RSPO2: variants seen among roughly 807,000 people sequenced by gnomAD.
RSPO2 encodes the protein R-spondin 2, also known as R-spondin-2.
In RSPO2, 14 loss-of-function variants were observed where a neutral mutation model predicts 30.9. That is an observed-to-expected ratio of 0.45 (90% CI 0.30 to 0.71). RSPO2 has a LOEUF of 0.71. RSPO2 is among the 30% of genes least tolerant of loss of function. The probability of loss-of-function intolerance (pLI) is 0.08; values close to 1 mark genes in which losing one functional copy is unlikely to be tolerated. For missense variants in RSPO2, 264 were observed against 301.9 expected (o/e 0.87, Z 0.93); for synonymous variants, 107 against 96.4 (o/e 1.11, Z -0.64).
chr8:108,006,693 A>T (rs569677791), intron 2 of RSPO2, among the ~76,000 whole-genome samples: 1 of 152,292 alleles, frequency 6.6e-6, no homozygotes, highest in African/African-American at 2.4e-5. Context: ...ACAAACTCCA[A>T]ATTCTGAAAA....
intron 3 of RSPO2, among the ~76,000 whole-genome samples, chr8:107,981,141 G>C (rs1169175549): frequency 1.3e-5 from 2 of 152,106 alleles, no homozygotes; most frequent in Admixed American, 1.3e-4. Context: ...CAGTTGTCCA[G>C]ATTTGGACAT....
Position 107,950,884 on chromosome 8 carries a change from G to T in RSPO2, c.616+7196C>A, listed in dbSNP as rs531041215. ...TGTTTTTCTTTTCACTAAAATGTTT[G>T]TCTTCTGATAGTGAAGGATATCTAC... On this transcript the variant is annotated intron_variant, in intron 5 of 5. Coordinates refer to ENST00000276659, the MANE Select transcript of RSPO2 (RefSeq NM_178565.5). Among the ~76,000 whole-genome samples, 58 of 150,032 alleles carry T rather than the reference G, an allele frequency of 3.9e-4. No individual in the cohort carries two copies. The South Asian group carries it at 0.011, about 28-fold the overall frequency.
At chr8:107,957,774 G>A (rs770977922) in intron 5 of RSPO2, among the ~76,000 whole-genome samples, 4 of 152,062 alleles carry the variant, frequency 2.6e-5, no homozygotes, top group Admixed American at 2.0e-4. Flanking sequence ...GTAAGAACCC[G>A]CTTTTATGGT....
intron 2 of RSPO2, among the ~76,000 whole-genome samples, chr8:108,019,836 G>T (rs1252842694): frequency 6.6e-6 from 1 of 152,134 alleles, no homozygotes; most frequent in Non-Finnish European, 1.5e-5. Context: ...TTCTTTAAAA[G>T]GGTAGACTTT....
chr8:108,028,867 G>A (rs757447663), intron 2 of RSPO2, among the ~76,000 whole-genome samples: 1 of 152,098 alleles, frequency 6.6e-6, no homozygotes, highest in Non-Finnish European at 1.5e-5. Context: ...ATAGGAAGCT[G>A]TAAACTTGGC....
chr8:108,003,297 ATATATATATATATATTTTT>A (rs1563559034), intron 2 of RSPO2, among the ~76,000 whole-genome samples: 28 of 23,328 alleles, frequency 1.2e-3, no homozygotes, highest in Non-Finnish European at 1.3e-3. Flanking sequence ...ATATATATAT[ATATATATATATATATTTTT>A]TTTTTTTTTT....
Position 108,064,328 on chromosome 8 carries a change from A to C in RSPO2, c.94+18217T>G, listed in dbSNP as rs1586672515. ...GAATCTACAAAAAAAACAAATTTAC[A>C]AGAAAAAAACAACCCCATCCAAAAG... On this transcript the variant is annotated intron_variant, in intron 2 of 5. Coordinates refer to ENST00000276659, the MANE Select transcript of RSPO2 (RefSeq NM_178565.5). Among the ~76,000 whole-genome samples the C allele has an allele frequency of 2.0e-5, 3 of 152,212 alleles. No individual in the cohort carries two copies. In the East Asian group the frequency reaches 5.8e-4, roughly 29 times the overall value.
At chr8:107,944,423 T>C (rs1812991247) in intron 5 of RSPO2, among the ~76,000 whole-genome samples, 2 of 152,198 alleles carry the variant, frequency 1.3e-5, no homozygotes, top group South Asian at 4.1e-4. Flanking sequence ...TTTTTATTGG[T>C]ATATCATAGA....
intron 5 of RSPO2, among the ~76,000 whole-genome samples, chr8:107,913,487 C>A (rs914133293): frequency 3.3e-5 from 5 of 152,120 alleles, no homozygotes; most frequent in Non-Finnish European, 7.4e-5. Flanking sequence ...CAAGACCAGA[C>A]AAATATTTTG....
intron 2 of RSPO2, among the ~76,000 whole-genome samples, chr8:108,044,891 C>G (rs1172110589): frequency 6.6e-6 from 1 of 152,084 alleles, no homozygotes; most frequent in Non-Finnish European, 1.5e-5. Flanking sequence ...AAGGATGAAA[C>G]TGGACCCCCT....
chr8:107,987,406 C>A (rs963934429), intron 3 of RSPO2, among the ~76,000 whole-genome samples: 1 of 152,200 alleles, frequency 6.6e-6, no homozygotes, highest in Admixed American at 6.5e-5. Context: ...GCAGGAAACA[C>A]CTTTATCAGT....
rs907718608 is a variant in RSPO2 at position 107,983,672 on chromosome 8, T to G, written c.283+5384A>C. ...TTGAAGAGGCATGTGGAATTCCTTG[T>G]GGCAGAGAATTAAAGATTAAGGGAA... is the stretch of plus-strand genomic sequence containing the variant. On this transcript the variant is annotated intron_variant, in intron 3 of 5. Coordinates refer to ENST00000276659, the MANE Select transcript of RSPO2 (RefSeq NM_178565.5). The G allele has an allele frequency of 2.4e-5, 39 of 1,592,758 alleles. No homozygotes were observed. The Admixed American group carries it at 6.5e-4, about 27-fold the overall frequency.
intron 2 of RSPO2, among the ~76,000 whole-genome samples, chr8:108,074,440 A>G (rs996553686): frequency 1.3e-5 from 2 of 152,138 alleles, no homozygotes; most frequent in African/African-American, 4.8e-5. Context: ...GCACACACAC[A>G]TTTGTTCTGG....
intron 5 of RSPO2, among the ~76,000 whole-genome samples, chr8:107,931,351 T>C (rs990210650): frequency 1.3e-5 from 2 of 152,128 alleles, no homozygotes; most frequent in African/African-American, 2.4e-5. Context: ...CAAAGTCCAG[T>C]AAAGCCCTTG....
At chr8:107,941,097 A>C (rs1200994835) in intron 5 of RSPO2, among the ~76,000 whole-genome samples, 1 of 152,066 alleles carries the variant, frequency 6.6e-6, no homozygotes, top group Non-Finnish European at 1.5e-5. Flanking sequence ...CCCCCCAAAA[A>C]AATGTATAGT....
At chr8:108,009,112 G>A (rs1031864312) in intron 2 of RSPO2, among the ~76,000 whole-genome samples, 5 of 152,022 alleles carry the variant, frequency 3.3e-5, no homozygotes, top group African/African-American at 1.2e-4. Flanking sequence ...TTAACAATTG[G>A]TAAGCATTCA....
At chr8:107,977,896 T>C (rs1814273659) in intron 3 of RSPO2, among the ~76,000 whole-genome samples, 1 of 151,916 alleles carries the variant, frequency 6.6e-6, no homozygotes, top group Non-Finnish European at 1.5e-5. Context: ...AATAGGATCG[T>C]CAGATGTGAC....
At chr8:107,997,595 G>A (rs939208147) in intron 2 of RSPO2, among the ~76,000 whole-genome samples, 2 of 152,134 alleles carry the variant, frequency 1.3e-5, no homozygotes, top group African/African-American at 4.8e-5. Context: ...CCCTTGATGG[G>A]AAAAGGAATA....
In RSPO2 at chr8:107,901,000, T is replaced by C; in HGVS notation, c.*75A>G. 1 of 1,501,090 alleles carries C rather than the reference T, an allele frequency of 6.7e-7. No individual in the cohort carries two copies. The highest frequency in any genetic ancestry group is 9.1e-7 in the Non-Finnish European group (1 of 1,097,004). The allele number at this position is 1,501,090 out of a possible 1,614,324, so 93.0% of individuals were successfully genotyped here. On this transcript the variant is annotated 3_prime_UTR_variant, in exon 6 of 6. Transcript: ENST00000276659. Reference sequence around the variant, plus strand: ...GAGCAGCACAAAGGCTGCACACCAGTGTGCAGGAGTGGAGAGTAGCTTTGT... The same window carrying C: ...GAGCAGCACAAAGGCTGCACACCAGCGTGCAGGAGTGGAGAGTAGCTTTGT...
Sources: allele counts gnomAD v4.1 joint callset (sites outside exome capture counted in the v4.1 genomes callset), GRCh38; gene constraint gnomAD v4.1.1; transcripts MANE v1.5; gene names NCBI Gene and HGNC (gene_info 2026-07-23, HGNC 2026-07-21).